CADM2: variants seen among roughly 807,000 people sequenced by gnomAD.
The protein encoded by CADM2 is immunoglobulin superfamily member 4D.
A neutral mutation model predicts 49.8 loss-of-function variants in CADM2; 12 were observed. The observed-to-expected ratio is 0.24, with a 90% CI of 0.15 to 0.39. The LOEUF (loss-of-function observed/expected upper bound fraction) is 0.39. CADM2 is among the 10% of genes least tolerant of loss of function. CADM2 has a pLI of 1.00. For synonymous variants in CADM2, 214 were observed against 175.4 expected, an observed-to-expected ratio of 1.22 and a Z score of -1.74; for missense variants, 378 against 492.3, an observed-to-expected ratio of 0.77 and a Z score of 2.20.
chr3:85,233,604 A>T (rs2042347151), intron 1 of CADM2, among the ~76,000 whole-genome samples: 1 of 152,196 alleles, frequency 6.6e-6, no homozygotes. Flanking sequence ...TTTTATAACC[A>T]ATGATGAAAT....
chr3:85,820,291 T>G (rs2073473367), intron 3 of CADM2, among the ~76,000 whole-genome samples: 1 of 152,026 alleles, frequency 6.6e-6, no homozygotes, highest in South Asian at 2.1e-4. Flanking sequence ...TCATGGGAGT[T>G]AGATGATCCT....
chr3:85,348,101 T>G (rs1187861113), intron 1 of CADM2, among the ~76,000 whole-genome samples: 1 of 152,162 alleles, frequency 6.6e-6, no homozygotes, highest in Non-Finnish European at 1.5e-5. Context: ...CCAAGACTTT[T>G]ATTTTATCCT....
chr3:85,207,050 A>ATGTGTGTGTG lies in CADM2; in HGVS notation c.61+247410_61+247419dup, dbSNP rs3085116. ...GAATCAGTTACTTTGGAAGAAATAA[A>ATGTGTGTGTG]TGTGTGTGTGTGTGTGTGTGTGTGT... On this transcript the variant is annotated intron_variant, in intron 1 of 9. Coordinates refer to ENST00000383699, the MANE Select transcript of CADM2 (RefSeq NM_001167675.2). Among the ~76,000 whole-genome samples, 787 of 144,956 alleles carry ATGTGTGTGTG rather than the reference A, an allele frequency of 5.4e-3. 4 individuals carry two copies. Among genetic ancestry groups the ATGTGTGTGTG allele is most frequent in the African/African-American group, 0.015 (576 of 39,690 alleles).
chr3:85,171,497 T>A (rs1420780840), intron 1 of CADM2, among the ~76,000 whole-genome samples: 3 of 152,200 alleles, frequency 2.0e-5, no homozygotes, highest in Non-Finnish European at 4.4e-5. Flanking sequence ...GTGCTGTATA[T>A]ACACTAATTA....
intron 1 of CADM2, among the ~76,000 whole-genome samples, chr3:85,584,403 C>A (rs578124828): frequency 6.6e-6 from 1 of 152,038 alleles, no homozygotes; most frequent in African/African-American, 2.4e-5. Flanking sequence ...AAATAATATG[C>A]AAATAATATT....
intron 1 of CADM2, among the ~76,000 whole-genome samples, chr3:85,108,037 A>G (rs752067734): frequency 6.6e-6 from 1 of 152,080 alleles, no homozygotes; most frequent in South Asian, 2.1e-4. Context: ...TTAAATACAC[A>G]ATTACCATAT....
In CADM2 at chr3:85,064,501, C is replaced by T. The variant is rs565694590; in HGVS notation, c.61+104833C>T. Among the ~76,000 whole-genome samples the T allele has an allele frequency of 8.4e-4, 127 of 152,078 alleles. 1 individual carries two copies. The highest frequency in any genetic ancestry group is 9.3e-4 in the Non-Finnish European group (63 of 67,930). On this transcript the variant is annotated intron_variant, in intron 1 of 9. Coordinates refer to ENST00000383699, the MANE Select transcript of CADM2 (RefSeq NM_001167675.2). Reference sequence around the variant, plus strand: ...TACATAAAATAACCAAAGAAACTTTCGGATGTTTTACCCTGAACTAGTAGT... The same window carrying T: ...TACATAAAATAACCAAAGAAACTTTTGGATGTTTTACCCTGAACTAGTAGT...
intron 1 of CADM2, among the ~76,000 whole-genome samples, chr3:85,122,423 T>C (rs1480167946): frequency 6.6e-6 from 1 of 152,164 alleles, no homozygotes; most frequent in Non-Finnish European, 1.5e-5. Context: ...TCTGGTATTC[T>C]GTTACACTAT....
At chr3:85,102,430 A>G (rs952664656) in intron 1 of CADM2, among the ~76,000 whole-genome samples, 18 of 152,198 alleles carry the variant, frequency 1.2e-4, no homozygotes, top group African/African-American at 4.3e-4. Flanking sequence ...TTGATGTTTA[A>G]TATACATAAT....
At chr3:85,605,866 G>T (rs938972664) in intron 1 of CADM2, among the ~76,000 whole-genome samples, 3 of 151,980 alleles carry the variant, frequency 2.0e-5, no homozygotes, top group African/African-American at 7.2e-5. Flanking sequence ...TGTTAATTAG[G>T]AAACTCTTTC....
At chr3:85,596,387 A>G (rs1463238414) in intron 1 of CADM2, among the ~76,000 whole-genome samples, 2 of 152,100 alleles carry the variant, frequency 1.3e-5, no homozygotes, top group African/African-American at 4.8e-5. Context: ...AATACTTTTA[A>G]GGAAATGTAT....
intron 1 of CADM2, among the ~76,000 whole-genome samples, chr3:85,370,364 T>C (rs1253159720): frequency 6.6e-6 from 1 of 151,420 alleles, no homozygotes; most frequent in South Asian, 2.1e-4. Flanking sequence ...GGAGGTGGCA[T>C]TGAGCCAAGA....
chr3:85,541,385 G>A (rs1179994126), intron 1 of CADM2, among the ~76,000 whole-genome samples: 3 of 151,406 alleles, frequency 2.0e-5, no homozygotes, highest in South Asian at 4.1e-4. Context: ...TTGAATGAAT[G>A]TGATAGCTTT....
At chr3:85,352,943 A>G (rs1482724966) in intron 1 of CADM2, among the ~76,000 whole-genome samples, 1 of 152,100 alleles carries the variant, frequency 6.6e-6, no homozygotes, top group Admixed American at 6.6e-5. Flanking sequence ...TTAATTTAAT[A>G]CTAGTGAGTC....
intron 2 of CADM2, among the ~76,000 whole-genome samples, chr3:85,784,058 G>A (rs1274428326): frequency 6.6e-6 from 1 of 152,050 alleles, no homozygotes. Context: ...ATGCGTGCAT[G>A]CACGCTATCT....
chr3:85,051,325 A>G (rs1340195358), intron 1 of CADM2, among the ~76,000 whole-genome samples: 1 of 152,206 alleles, frequency 6.6e-6, no homozygotes, highest in Non-Finnish European at 1.5e-5. Flanking sequence ...GATCTTCACC[A>G]TATGACTAAC....
chr3:85,367,988 G>A (rs1260555666), intron 1 of CADM2, among the ~76,000 whole-genome samples: 1 of 151,958 alleles, frequency 6.6e-6, no homozygotes, highest in African/African-American at 2.4e-5. Context: ...TTTCAATCTT[G>A]GGGGATGTTT....
At chr3:85,875,961 A>G (rs1281065086) in intron 3 of CADM2, among the ~76,000 whole-genome samples, 1 of 152,100 alleles carries the variant, frequency 6.6e-6, no homozygotes, top group Non-Finnish European at 1.5e-5. Context: ...GACACATCTC[A>G]ACTTCCTATA....
intron 1 of CADM2, among the ~76,000 whole-genome samples, chr3:85,724,572 A>G (rs2067620193): frequency 6.6e-6 from 1 of 152,036 alleles, no homozygotes; most frequent in Non-Finnish European, 1.5e-5. Context: ...ATATGCAACT[A>G]TTAAAATGAA....
Sources: allele counts gnomAD v4.1 joint callset (sites outside exome capture counted in the v4.1 genomes callset), GRCh38; gene constraint gnomAD v4.1.1; transcripts MANE v1.5; gene names NCBI Gene and HGNC (gene_info 2026-07-23, HGNC 2026-07-21).